Variants in POLR3G observed in about 807,000 individuals in gnomAD.
The protein encoded by POLR3G is RNA polymerase III subunit G.
A neutral mutation model predicts 30.1 loss-of-function variants in POLR3G; 28 were observed. That is an observed-to-expected ratio of 0.93 (90% CI 0.69 to 1.27). POLR3G has a LOEUF of 1.27. Among genes scored for constraint, POLR3G ranks in the 50% most tolerant of loss-of-function variants. The pLI, the probability that POLR3G is intolerant of heterozygous loss-of-function variation, is 0.00. For synonymous variants in POLR3G, 79 were observed against 82.5 expected (o/e 0.96, Z 0.23); for missense variants, 254 against 264.6 (o/e 0.96, Z 0.28).
intron 1 of POLR3G, among the ~76,000 whole-genome samples, chr5:90,479,747 G>T (rs1751032731): frequency 1.3e-5 from 2 of 152,142 alleles, no homozygotes; most frequent in African/African-American, 4.8e-5. Context: ...GAGGGAGTAA[G>T]TTGCAGTGGA....
In POLR3G at chr5:90,501,954, T is replaced by C; in HGVS notation, c.404T>C (p.Leu135Pro). Residue 135 changes from leucine to proline, a missense_variant, in exon 6 of 8, where the codon CTC (leucine) becomes CCC (proline). Coordinates refer to ENST00000651687, the MANE Select transcript of POLR3G (RefSeq NM_006467.3). ...KAKDAGKGTPLTNTEDVLKKM... is the reference protein window; with the variant it reads ...KAKDAGKGTPPTNTEDVLKKM... ...AAAGACGCAGGCAAAGGCACACCAC[T>C]CACTAATACTGAAGATGTGTTGAAA... 1 of 1,613,470 alleles carries C rather than the reference T, an allele frequency of 6.2e-7. No homozygotes were observed. Among genetic ancestry groups the C allele is most frequent in the Non-Finnish European group, 8.5e-7 (1 of 1,179,612 alleles).
At chr5:90,511,761 G>T (rs1752748572) in intron 7 of POLR3G, among the ~76,000 whole-genome samples, 2 of 152,042 alleles carry the variant, frequency 1.3e-5, no homozygotes, top group Admixed American at 6.6e-5. Flanking sequence ...TTTTGGGTAA[G>T]TGTTTAGTGG....
intron 3 of POLR3G, among the ~76,000 whole-genome samples, chr5:90,493,509 A>G (rs1751834141): frequency 6.6e-6 from 1 of 151,720 alleles, no homozygotes; most frequent in African/African-American, 2.4e-5. Flanking sequence ...TGGCCTCCCA[A>G]AGTGCTGGGA....
intron 1 of POLR3G, among the ~76,000 whole-genome samples, chr5:90,483,417 C>G (rs1243294784): frequency 6.6e-6 from 1 of 152,112 alleles, no homozygotes; most frequent in Non-Finnish European, 1.5e-5. Flanking sequence ...TCACAGAAAA[C>G]AGGAAACGAT....
rs879581200 is a variant in POLR3G at position 90,479,603 on chromosome 5, A to AT, written c.-44+4595dup. ...AGTGTGGCAACATATATCACCTGAA[A>AT]TTTTTTTTTTTTAATCTGTGTTTTA... On this transcript the variant is annotated intron_variant, in intron 1 of 7. Coordinates refer to ENST00000651687, the MANE Select transcript of POLR3G (RefSeq NM_006467.3). Among the ~76,000 whole-genome samples the AT allele has an allele frequency of 3.6e-4, 54 of 148,798 alleles. No individual in the cohort carries two copies. The Middle Eastern group carries it at 0.01, about 29-fold the overall frequency.
At chr5:90,507,025 C>T (rs909070356) in intron 7 of POLR3G, among the ~76,000 whole-genome samples, 31 of 152,148 alleles carry the variant, frequency 2.0e-4, no homozygotes, top group African/African-American at 7.0e-4. Context: ...GCTTAACCAC[C>T]TAGGTCTAGA....
In POLR3G at chr5:90,495,712, T is replaced by G; in HGVS notation, c.283T>G (p.Tyr95Asp). 1 of 1,598,852 alleles carries G rather than the reference T, an allele frequency of 6.3e-7. No homozygotes were observed. The highest frequency in any genetic ancestry group is 8.5e-7 in the Non-Finnish European group (1 of 1,173,332). ...ERYSKRYMKV[Y>D]KEEWIPDWRR... The stretch of plus-strand genomic sequence containing the variant: ...GTATAGTAAAAGATACATGAAGGTA[T>G]ACAAGGAAGAATGGATACCAGGTAA... Residue 95 changes from tyrosine (Y) to aspartate (D), a missense_variant, in exon 4 of 8, where the codon TAC becomes GAC. Transcript: ENST00000651687.
intron 1 of POLR3G, 38 bp from the exon 2 acceptor site, chr5:90,485,487 T>G: frequency 2.0e-6 from 2 of 1,012,326 alleles, no homozygotes; most frequent in Non-Finnish European, 1.5e-6. Context: ...GTTGATTTCT[T>G]TTTTATATGT....
intron 5 of POLR3G, 87 bp from the exon 6 acceptor site, chr5:90,501,819 G>A (rs1011054724): frequency 5.4e-6 from 8 of 1,479,728 alleles, no homozygotes; most frequent in African/African-American, 2.8e-5. Context: ...GCAGTAGCAC[G>A]ATGCTGGACA....
At chr5:90,491,818 ATAAATT>A (rs1304323592) in intron 3 of POLR3G, among the ~76,000 whole-genome samples, 1 of 152,172 alleles carries the variant, frequency 6.6e-6, no homozygotes, top group Non-Finnish European at 1.5e-5. Flanking sequence ...GAAAAAAAGA[ATAAATT>A]TAAAAAATGG....
chr5:90,506,125 A>G (rs1024461517), intron 6 of POLR3G, among the ~76,000 whole-genome samples: 4 of 152,080 alleles, frequency 2.6e-5, no homozygotes, highest in African/African-American at 9.7e-5. Flanking sequence ...GCTACGCAGG[A>G]AGCTCAAGCA....
chr5:90,487,584 G>C (rs1751509622), intron 2 of POLR3G, among the ~76,000 whole-genome samples: 1 of 151,408 alleles, frequency 6.6e-6, no homozygotes, highest in Non-Finnish European at 1.5e-5. Context: ...ATGGAGACAG[G>C]GTTTCACCAT....
At chr5:90,480,971 G>A (rs1430685034) in intron 1 of POLR3G, among the ~76,000 whole-genome samples, 11 of 152,182 alleles carry the variant, frequency 7.2e-5, no homozygotes, top group Admixed American at 6.5e-4. Context: ...TTAATGTAGA[G>A]AGATGTAATA....
intron 1 of POLR3G, among the ~76,000 whole-genome samples, chr5:90,479,617 A>C (rs1007303191): frequency 6.6e-6 from 1 of 151,850 alleles, no homozygotes; most frequent in Non-Finnish European, 1.5e-5. Context: ...TTTTTTTTTA[A>C]TCTGTGTTTT....
At chr5:90,492,726 C>G (rs1299605900) in intron 3 of POLR3G, among the ~76,000 whole-genome samples, 2 of 151,692 alleles carry the variant, frequency 1.3e-5, no homozygotes, top group Non-Finnish European at 2.9e-5. Flanking sequence ...ACTAAAAATA[C>G]AAAAAATTAG....
upstream of POLR3G, chr5:90,474,571 G>A (rs942637990): frequency 1.0e-5 from 5 of 479,434 alleles, no homozygotes; most frequent in Admixed American, 3.8e-5. Context: ...CGCAGCCTCG[G>A]CAGCCGCACC....
chr5:90,474,117 G>T, upstream of POLR3G: 2 of 1,581,660 alleles, frequency 1.3e-6, no homozygotes, highest in Non-Finnish European at 1.7e-6. Flanking sequence ...GAGGCCGGAG[G>T]AGTACAGGTA....
At chr5:90,474,580 C>A, upstream of POLR3G, 1 of 462,310 alleles carries the variant, frequency 2.2e-6, no homozygotes, top group East Asian at 4.4e-5. Flanking sequence ...GGCAGCCGCA[C>A]CACGAGAGAG....
intron 1 of POLR3G, among the ~76,000 whole-genome samples, chr5:90,476,440 A>T (rs140502400): frequency 1.1e-4 from 16 of 152,378 alleles, no homozygotes; most frequent in African/African-American, 3.8e-4. Context: ...AGCTAGATTC[A>T]GTAAGAATAC....
Sources: gnomAD v4.1 joint callset for allele counts (sites outside exome capture counted in the v4.1 genomes callset) on GRCh38, gnomAD v4.1.1 for gene constraint, MANE v1.5 for transcripts, NCBI Gene and HGNC (gene_info 2026-07-23, HGNC 2026-07-21) for gene names.